Variants in GPR179 observed in about 807,000 individuals in gnomAD.
The protein encoded by GPR179 is G protein-coupled receptor 179, also known as probable G protein-coupled receptor 179.
Under a neutral mutation model 70.8 loss-of-function variants are expected in GPR179, and 52 were observed. The ratio of observed to expected loss-of-function variants is 0.73; its 90% CI spans 0.59 to 0.93. GPR179 has a LOEUF of 0.93. Ranked by LOEUF, GPR179 falls within the 40% of genes least tolerant of loss-of-function variation. The pLI, the probability that GPR179 is intolerant of heterozygous loss-of-function variation, is 0.00. For synonymous variants in GPR179, 1,123 were observed against 1,169.0 expected, an observed-to-expected ratio of 0.96 and a Z score of 0.80; for missense variants, 2,734 against 2,966.8, an observed-to-expected ratio of 0.92 and a Z score of 1.82.
rs766867148 is a variant in GPR179 at position 38,337,201 on chromosome 17, C to G, written c.1004G>C (p.Ser335Thr). ...GASPSGGLEE[S>T]DFQTTGQFGF... is the part of the protein sequence containing the mutation. ...GAATTGCCCGGTAGTCTGGAAGTCA[C>G]TCTCCTCTAACCCTATAAAGAACAA... Residue 335 changes from serine (S) to threonine (T), a missense_variant, in exon 4 of 11, where the codon AGT (serine) becomes ACT (threonine). By Grantham distance (58) the Ser-to-Thr change is moderately conservative (BLOSUM62 1). Coordinates refer to ENST00000616987, the MANE Select transcript of GPR179 (RefSeq NM_001004334.4). The G allele has an allele frequency of 3.1e-6, 5 of 1,611,254 alleles. No individual in the cohort carries two copies. The highest frequency in any genetic ancestry group is 3.4e-6 in the Non-Finnish European group (4 of 1,179,152).
At position 38,329,911 on chromosome 17, in the gene GPR179, CAG is replaced by C. The variant is rs779266036; in HGVS notation, c.3656_3657del (p.Pro1219ArgfsTer18). 346 of 1,614,226 alleles carry C rather than the reference CAG, an allele frequency of 2.1e-4. No individual in the cohort carries two copies. Among genetic ancestry groups the C allele is most frequent in the African/African-American group, 4.0e-4 (30 of 75,054 alleles). On this transcript the variant is annotated frameshift_variant, in exon 11 of 11. Transcript: ENST00000616987. LOFTEE classifies it low-confidence loss of function (END_TRUNC). Reference protein sequence around the residue: ...DKNIKQSKETPVGWQELPKAG... With the variant: ...DKNIKQSKETXVGWQELPKAG... ...GCTTTGGGCAGTTCCTGCCACCCGACAGGGGTTTCTTTTGATTGCTTGATGTT... is the reference window on the plus strand; with the variant it reads ...GCTTTGGGCAGTTCCTGCCACCCGACGGGTTTCTTTTGATTGCTTGATGTT...
rs560871462 is a variant in GPR179 at position 38,325,743 on chromosome 17, C to G, written c.*722G>C. ...CAATTGCTTTTCTTCTGTGTTCTCT[C>G]TCTCTGATGTTGCTTTGGATGCCAG... is the stretch of plus-strand genomic sequence containing the variant. On this transcript the variant is annotated 3_prime_UTR_variant, in exon 11 of 11. Transcript: ENST00000616987. 2.0e-5 allele frequency: 3 copies of G among 152,512 alleles called. No homozygotes were observed. The highest frequency in any genetic ancestry group is 7.2e-5 in the African/African-American group (3 of 41,460). The allele number at this position is 152,512 out of a possible 1,614,324, so 9.4% of individuals were successfully genotyped here. A position where few individuals can be genotyped will look rare whatever the true frequency, so the allele number is the denominator to read the frequency against.
chr17:38,342,812 A>G (rs560042808), intron 1 of GPR179, among the ~76,000 whole-genome samples, 184 bp downstream of exon 1: 1 of 152,370 alleles, frequency 6.6e-6, no homozygotes, highest in African/African-American at 2.4e-5. Context: ...GTATGTGTTA[A>G]CAGATAGTTG....
At chr17:38,339,585 C>T in intron 1 of GPR179, 60 bp from the exon 2 acceptor site, 1 of 1,239,380 alleles carries the variant, frequency 8.1e-7, no homozygotes, top group Non-Finnish European at 1.2e-6. Flanking sequence ...GACGTGTGTC[C>T]CTGGGCGTTG....
intron 1 of GPR179, among the ~76,000 whole-genome samples, chr17:38,341,126 G>C (rs2037445960): frequency 6.6e-6 from 1 of 152,148 alleles, no homozygotes; most frequent in South Asian, 2.1e-4. Flanking sequence ...TGCAGTGTGT[G>C]CGAAGGGCAT....
In GPR179 at chr17:38,329,213, T is replaced by A. The variant is rs1407561919; in HGVS notation, c.4356A>T (p.Ser1452=). The change falls in exon 11 of 11, where the codon TCA becomes TCT. Residue 1452 remains serine (S), a synonymous_variant. Coordinates refer to ENST00000616987, the MANE Select transcript of GPR179 (RefSeq NM_001004334.4). The stretch of plus-strand genomic sequence containing the variant: ...CAGCAATGCCACTGCCCAAACTCCC[T>A]GAACACTCTGAGCTTCCTGGGGCCT... ...SIQAPGSSEC[S]GSLGSGIAEV... 1 of 1,613,916 alleles carries A rather than the reference T, an allele frequency of 6.2e-7. No individual in the cohort carries two copies. The highest frequency in any genetic ancestry group is 1.1e-5 in the South Asian group (1 of 91,038).
chr17:38,330,339 G>C lies in GPR179; in HGVS notation c.3230C>G (p.Ala1077Gly). ...GCGCATGGAACCCTGCTGAACAGGG[G>C]CCTTGAGGCTGTGGGATTTAGGGAA... ...KIFPKSHSLK[A>G]PVQQGSMRSL... Residue 1077 changes from alanine (A) to glycine (G), a missense_variant, in exon 11 of 11, where the codon GCC becomes GGC. Ala to Gly is a moderately conservative substitution (Grantham distance 60, BLOSUM62 0). Transcript: ENST00000616987. The C allele has an allele frequency of 6.2e-7, 1 of 1,614,022 alleles. No individual in the cohort carries two copies. The highest frequency in any genetic ancestry group is 1.1e-5 in the South Asian group (1 of 91,014).
Position 38,330,815 on chromosome 17 carries a change from C to T in GPR179, c.2754G>A (p.Gly918=). 1.2e-6 allele frequency: 2 copies of T among 1,606,944 alleles called. No individual in the cohort carries two copies. The highest frequency in any genetic ancestry group is 1.7e-6 in the Non-Finnish European group (2 of 1,176,974). ...SSSVDSSHTS[G]RLHEEARRRL... is the part of the protein sequence containing the mutation. ...TTCTCCTAGCCTCCTCATGAAGCCT[C>T]CCAGAGGTGTGAGAGCTGTCCACGC... The change falls in exon 11 of 11, where the codon GGG becomes GGA. Residue 918 remains glycine, a synonymous_variant. Coordinates refer to ENST00000616987, the MANE Select transcript of GPR179 (RefSeq NM_001004334.4).
intron 5 of GPR179, 100 bp downstream of exon 5, chr17:38,335,976 C>A (rs2037401034): frequency 4.6e-6 from 4 of 871,440 alleles, no homozygotes; most frequent in Non-Finnish European, 5.9e-6. Context: ...TCTCTGAATC[C>A]CTTCCAGAGG....
chr17:38,342,329 C>T (rs1481280675), intron 1 of GPR179, among the ~76,000 whole-genome samples: 1 of 148,298 alleles, frequency 6.7e-6, no homozygotes, highest in African/African-American at 2.6e-5. Flanking sequence ...TCTATACTGA[C>T]ACATCTTTTT....
rs1388332726 is a variant in GPR179 at position 38,343,077 on chromosome 17, T to C, written c.713A>G (p.Glu238Gly). The change falls in exon 1 of 11, where the codon GAG becomes GGG. Residue 238 changes from glutamate (E) to glycine (G), a missense_variant. Transcript: ENST00000616987. This position sits in a 1 kb window ranked among gnomAD's most constrained non-coding sequence, Gnocchi z 4.2. The stretch of plus-strand genomic sequence containing the variant: ...CAGCCATCCAGGTCGGAGCCGTCCC[T>C]CCTGGCATTCCAGGAAAGGAGGAGA... Reference protein sequence around the residue: ...RLSPPFLECQEGRLRPGWLIT... With the variant: ...RLSPPFLECQGGRLRPGWLIT... 6.2e-7 allele frequency: 1 copy of C among 1,614,178 alleles called. No individual in the cohort carries two copies. Among genetic ancestry groups the C allele is most frequent in the East Asian group, 2.2e-5 (1 of 44,880 alleles).
At chr17:38,341,723 C>T (rs1050936396) in intron 1 of GPR179, among the ~76,000 whole-genome samples, 14 of 152,174 alleles carry the variant, frequency 9.2e-5, no homozygotes, top group Admixed American at 9.2e-4. Flanking sequence ...GCTTCTGCGT[C>T]AGGACAGGCA....
Position 38,336,985 on chromosome 17 carries a change from C to T in GPR179, c.1220G>A (p.Arg407Gln), listed in dbSNP as rs568763662. 55 of 1,594,034 alleles carry T rather than the reference C, an allele frequency of 3.5e-5. No homozygotes were observed. The highest frequency in any genetic ancestry group is 9.1e-5 in the South Asian group (8 of 87,762). ...LSMLVSYRCR[R>Q]NKRIWASGVV... is the part of the protein sequence containing the mutation. ...GTGTGGGGCCTTCCTTGCCTTGTTC[C>T]GGCGGCAGCGGTAGGAGACCAGCAT... Residue 407 changes from arginine to glutamine, a missense_variant, in exon 4 of 11, where the codon CGG becomes CAG. Transcript: ENST00000616987.
Position 38,335,479 on chromosome 17 carries a change from G to A in GPR179, c.1406+112C>T. 2.8e-5 allele frequency: 24 copies of A among 847,126 alleles called. 1 individual carries two copies. In the South Asian group the frequency reaches 3.5e-4, roughly 12 times the overall value. The allele number at this position is 847,126 out of a possible 1,614,324, so 52.5% of individuals were successfully genotyped here. On this transcript the variant is annotated intron_variant, in intron 6 of 10. Coordinates refer to ENST00000616987, the MANE Select transcript of GPR179 (RefSeq NM_001004334.4). ...ATGGTGATGGGGGTTGGCCTTGGGG[G>A]TAGAGGGGAGTGGGGCTGGCAAGGG...
chr17:38,343,563 C>T lies in GPR179; in HGVS notation c.227G>A (p.Cys76Tyr), dbSNP rs1242002990. The T allele has an allele frequency of 6.2e-7, 1 of 1,613,708 alleles. No individual in the cohort carries two copies. Among genetic ancestry groups the T allele is most frequent in the African/African-American group, 1.3e-5 (1 of 74,940 alleles). The change falls in exon 1 of 11, where the codon TGC (cysteine) becomes TAC (tyrosine). Residue 76 changes from cysteine (C) to tyrosine (Y), a missense_variant. Cys to Tyr is a radical substitution (Grantham distance 194). Coordinates refer to ENST00000616987, the MANE Select transcript of GPR179 (RefSeq NM_001004334.4). This position sits in a 1 kb window ranked among gnomAD's most constrained non-coding sequence, Gnocchi z 4.2. ...GDAQQLSQVN[C>Y]SERYEARGAG... ...CCCACGCGCTTCATAGCGCTCACTG[C>T]AATTCACCTGTGATAGCTGCTGGGC...
At chr17:38,342,247 T>C (rs1379523020) in intron 1 of GPR179, among the ~76,000 whole-genome samples, 1 of 151,918 alleles carries the variant, frequency 6.6e-6, no homozygotes, top group Non-Finnish European at 1.5e-5. Context: ...AGATTGTCAC[T>C]GTCATCCACA....
At position 38,343,293 on chromosome 17, in the gene GPR179, G is replaced by T; in HGVS notation, c.497C>A (p.Ala166Asp). Residue 166 changes from alanine to aspartate, a missense_variant, in exon 1 of 11, where the codon GCC (alanine) becomes GAC (aspartate). Ala to Asp is a moderately radical substitution (Grantham distance 126). Coordinates refer to ENST00000616987, the MANE Select transcript of GPR179 (RefSeq NM_001004334.4). This position sits in a 1 kb window ranked among gnomAD's most constrained non-coding sequence, Gnocchi z 4.2. ...GASHLQLALQ[A>D]TRTGEETILQ... ...GATGGTTTCCTCCCCAGTCCGGGTG[G>T]CCTGCAGGGCCAGCTGTAGGTGGCT... 1 of 1,614,172 alleles carries T rather than the reference G, an allele frequency of 6.2e-7. No individual in the cohort carries two copies. Among genetic ancestry groups the T allele is most frequent in the South Asian group, 1.1e-5 (1 of 91,090 alleles).
chr17:38,341,591 C>T (rs1017318079), intron 1 of GPR179, among the ~76,000 whole-genome samples: 18 of 152,184 alleles, frequency 1.2e-4, no homozygotes, highest in African/African-American at 4.1e-4. Context: ...GCTGGAGAAG[C>T]AGTGTTGATT....
rs533863066 is a variant in GPR179 at position 38,326,650 on chromosome 17, C to T, written c.6919G>A (p.Glu2307Lys). ...GGTCCTTGTAGTTCTCTGACACCTT[C>T]TAGAGTGAAAGTACTGGCTGGCCTG... is the stretch of plus-strand genomic sequence containing the variant. ...VSRPASTFTLEGVRELQGPSG... is the reference protein window; with the variant it reads ...VSRPASTFTLKGVRELQGPSG... The change falls in exon 11 of 11, where the codon GAA (glutamate) becomes AAA (lysine). Residue 2307 changes from glutamate to lysine, a missense_variant. Physicochemically the swap from Glu to Lys is moderately conservative, Grantham distance 56. Coordinates refer to ENST00000616987, the MANE Select transcript of GPR179 (RefSeq NM_001004334.4). The T allele has an allele frequency of 1.4e-4, 218 of 1,614,204 alleles. 2 individuals carry two copies. In the South Asian group the frequency reaches 2.2e-3, roughly 17 times the overall value.
Sources: gnomAD v4.1 joint callset for allele counts (sites outside exome capture counted in the v4.1 genomes callset) on GRCh38, gnomAD v4.1.1 for gene constraint, Gnocchi (gnomAD v3.1) non-coding constraint, MANE v1.5 for transcripts, NCBI Gene and HGNC (gene_info 2026-07-23, HGNC 2026-07-21) for gene names.